SLC22A15: variants seen among roughly 807,000 people sequenced by gnomAD.
The protein encoded by SLC22A15 is solute carrier family 22 member 15, also known as flipt 1.
Under a neutral mutation model 62.7 loss-of-function variants are expected in SLC22A15, and 45 were observed. The observed-to-expected ratio is 0.72, with a 90% CI of 0.56 to 0.92. The LOEUF (loss-of-function observed/expected upper bound fraction) is 0.92, where lower values mean the gene tolerates loss of function less well. SLC22A15 is among the 40% of genes least tolerant of loss of function. The pLI is 0.00. For synonymous variants in SLC22A15, 264 were observed against 267.0 expected (o/e 0.99, Z 0.11); for missense variants, 622 against 665.6 (o/e 0.93, Z 0.72).
chr1:116,020,694 T>A (rs1261786186), intron 3 of SLC22A15, 27 bp from the exon 4 acceptor site: 1 of 1,574,542 alleles, frequency 6.4e-7, no homozygotes, highest in African/African-American at 1.4e-5. Flanking sequence ...TGCCTCTGGA[T>A]TATTGAATAT....
intron 6 of SLC22A15, chr1:116,032,228 T>C: frequency 1.0e-6 from 1 of 985,434 alleles, no homozygotes; most frequent in Non-Finnish European, 1.2e-6. Context: ...AGCGTGAGTG[T>C]AAGTTGCATT....
At chr1:115,996,260 C>T (rs1592234) in intron 2 of SLC22A15, among the ~76,000 whole-genome samples, 77,771 of 151,990 alleles carry the variant, frequency 0.51, 21,611 homozygotes, top group Non-Finnish European at 0.64. Flanking sequence ...GATAGATTGC[C>T]GCTTTATTCT....
intron 8 of SLC22A15, among the ~76,000 whole-genome samples, chr1:116,051,759 C>T (rs1013815767): frequency 6.6e-6 from 1 of 152,200 alleles, no homozygotes; most frequent in Non-Finnish European, 1.5e-5. Flanking sequence ...ACATGTCCAG[C>T]AGCTGCTCGA....
intron 8 of SLC22A15, among the ~76,000 whole-genome samples, chr1:116,038,974 T>C (rs754273802): frequency 6.6e-5 from 10 of 152,194 alleles, no homozygotes; most frequent in Non-Finnish European, 1.3e-4. Flanking sequence ...CATGTGGCCC[T>C]TTCTTGAAAT....
In SLC22A15 at chr1:116,032,626, A is replaced by T. The variant is rs1313282074; in HGVS notation, c.944+1045A>T. Reference sequence around the variant, plus strand: ...TGTATGGTTGGGGGCCATGTTAACCAACTGCTGCTTTCCCCCACAGAACCA... The same window carrying T: ...TGTATGGTTGGGGGCCATGTTAACCTACTGCTGCTTTCCCCCACAGAACCA... On this transcript the variant is annotated intron_variant, in intron 6 of 11. Transcript: ENST00000369503. The T allele has an allele frequency of 4.1e-6, 4 of 985,284 alleles. No homozygotes were observed. In the East Asian group the frequency reaches 4.5e-4, roughly 112 times the overall value. The allele number at this position is 985,284 out of a possible 1,614,324, so 61.0% of individuals were successfully genotyped here. A position where few individuals can be genotyped will look rare whatever the true frequency, so the allele number is the denominator to read the frequency against.
At chr1:115,991,003 C>T (rs1240350691) in intron 1 of SLC22A15, among the ~76,000 whole-genome samples, 1 of 152,166 alleles carries the variant, frequency 6.6e-6, no homozygotes, top group Non-Finnish European at 1.5e-5. Context: ...AGTGATCCAC[C>T]TGCCTCGGCC....
intron 2 of SLC22A15, among the ~76,000 whole-genome samples, chr1:115,999,246 T>C (rs1371691941): frequency 1.3e-5 from 2 of 152,216 alleles, no homozygotes; most frequent in Admixed American, 1.3e-4. Context: ...AATGGAAGAA[T>C]GCATATTCTG....
intron 8 of SLC22A15, among the ~76,000 whole-genome samples, chr1:116,049,375 G>T (rs1309775298): frequency 6.6e-6 from 1 of 151,992 alleles, no homozygotes; most frequent in African/African-American, 2.4e-5. Flanking sequence ...ATAAATTTAA[G>T]AAATTTGAAA....
chr1:116,044,752 TAAAC>T (rs1056958050), intron 8 of SLC22A15, among the ~76,000 whole-genome samples: 2 of 152,080 alleles, frequency 1.3e-5, no homozygotes, highest in African/African-American at 4.8e-5. Flanking sequence ...AAAACTGAAA[TAAAC>T]CAATGCCATT....
chr1:116,002,171 C>T (rs561396290), intron 2 of SLC22A15, among the ~76,000 whole-genome samples: 3 of 152,324 alleles, frequency 2.0e-5, no homozygotes, highest in South Asian at 2.1e-4. Context: ...CTCTTGTTCT[C>T]TTCCCTTACT....
intron 8 of SLC22A15, among the ~76,000 whole-genome samples, chr1:116,056,007 G>A (rs1197880185): frequency 8.4e-6 from 1 of 118,382 alleles, no homozygotes. Context: ...AGACAGCGAT[G>A]CCCTCTCTCA....
At chr1:116,025,474 C>G (rs1416876232) in intron 4 of SLC22A15, among the ~76,000 whole-genome samples, 1 of 152,168 alleles carries the variant, frequency 6.6e-6, no homozygotes, top group Non-Finnish European at 1.5e-5. Context: ...CTAGGTCAAA[C>G]AGTATACAAG....
intron 8 of SLC22A15, among the ~76,000 whole-genome samples, chr1:116,046,290 ACT>A (rs1368477154): frequency 6.6e-6 from 1 of 152,206 alleles, no homozygotes; most frequent in Non-Finnish European, 1.5e-5. Context: ...TTTTTAAAAG[ACT>A]CTATTACAGA....
chr1:116,020,246 T>TAAA (rs554789441), intron 3 of SLC22A15, among the ~76,000 whole-genome samples: 8 of 140,136 alleles, frequency 5.7e-5, no homozygotes, highest in African/African-American at 1.6e-4. Flanking sequence ...GAGAAGCTGT[T>TAAA]AAAAAAAAAA....
intron 4 of SLC22A15, among the ~76,000 whole-genome samples, chr1:116,023,739 T>C (rs1213828653): frequency 6.6e-6 from 1 of 152,128 alleles, no homozygotes; most frequent in Non-Finnish European, 1.5e-5. Context: ...AGATAGTAAT[T>C]GTGGGGAGTA....
At chr1:116,052,966 G>A (rs377699809) in intron 8 of SLC22A15, among the ~76,000 whole-genome samples, 8 of 151,898 alleles carry the variant, frequency 5.3e-5, no homozygotes, top group African/African-American at 9.7e-5. Flanking sequence ...AAAAAACAGA[G>A]CAGAAAAACT....
At chr1:116,051,163 A>T (rs975980464) in intron 8 of SLC22A15, among the ~76,000 whole-genome samples, 1 of 152,200 alleles carries the variant, frequency 6.6e-6, no homozygotes, top group African/African-American at 2.4e-5. Context: ...AATTCAATGC[A>T]ATCCTCATTA....
At chr1:116,018,433 C>T (rs1421774239) in intron 2 of SLC22A15, among the ~76,000 whole-genome samples, 15 of 152,136 alleles carry the variant, frequency 9.9e-5, no homozygotes, top group Non-Finnish European at 2.1e-4. Context: ...GGCGCGATCT[C>T]AGCTCAGTGC....
intron 8 of SLC22A15, among the ~76,000 whole-genome samples, chr1:116,053,369 A>G (rs1480159704): frequency 1.3e-5 from 2 of 152,214 alleles, no homozygotes; most frequent in African/African-American, 4.8e-5. Flanking sequence ...GAATAAAAAG[A>G]AACGAACAAA....
Sources: allele counts gnomAD v4.1 joint callset (sites outside exome capture counted in the v4.1 genomes callset), GRCh38; gene constraint gnomAD v4.1.1; transcripts MANE v1.5; gene names NCBI Gene and HGNC (gene_info 2026-07-23, HGNC 2026-07-21).